Variants in NME8 observed in about 807,000 individuals in gnomAD.
NME8 encodes NME/NM23 family member 8, also known as protein NME8.
In NME8, 72 loss-of-function variants were observed where a neutral mutation model predicts 82.3. The ratio of observed to expected loss-of-function variants is 0.87; its 90% confidence interval spans 0.72 to 1.06. The LOEUF (loss-of-function observed/expected upper bound fraction) is 1.06, where lower values mean the gene tolerates loss of function less well. Ranked by LOEUF, NME8 falls within the 50% of genes least tolerant of loss-of-function variation. The pLI is 0.00. For synonymous variants in NME8, 267 were observed against 228.5 expected (o/e 1.17, Z -1.52); for missense variants, 712 against 685.4 (o/e 1.04, Z -0.43).
At chr7:37,876,058 AT>A (rs1225324293) in intron 11 of NME8, among the ~76,000 whole-genome samples, 1 of 151,616 alleles carries the variant, frequency 6.6e-6, no homozygotes. Flanking sequence ...TACAAAAAAA[AT>A]ATTAGCTGGG....
rs1172851073 is a variant in NME8 at position 37,853,875 on chromosome 7, A to G, written c.198+3140A>G. Among the ~76,000 whole-genome samples, 3 of 151,028 alleles carry G rather than the reference A, an allele frequency of 2.0e-5. No homozygotes were observed. The East Asian group carries it at 5.8e-4, about 29-fold the overall frequency. On this transcript the variant is annotated intron_variant, in intron 5 of 17. Coordinates refer to ENST00000199447, the MANE Select transcript of NME8 (RefSeq NM_016616.5). ...GGAACATTAAATATTTTATATATAT[A>G]GAGAGAGGCATATAAAAATTTAGTT...
intron 6 of NME8, among the ~76,000 whole-genome samples, chr7:37,857,666 A>T (rs1239296473): frequency 6.6e-6 from 1 of 152,204 alleles, no homozygotes; most frequent in African/African-American, 2.4e-5. Flanking sequence ...ATAGATACCT[A>T]GCAAGAGAGA....
At chr7:37,854,373 G>A (rs1241302200) in intron 5 of NME8, among the ~76,000 whole-genome samples, 2 of 152,092 alleles carry the variant, frequency 1.3e-5, no homozygotes, top group African/African-American at 2.4e-5. Flanking sequence ...TGGTATTGAC[G>A]TCTCAGGGGT....
chr7:37,867,731 G>T lies in NME8; in HGVS notation c.651G>T (p.Met217Ile). The T allele has an allele frequency of 6.2e-7, 1 of 1,613,424 alleles. No homozygotes were observed. Among genetic ancestry groups the T allele is most frequent in the South Asian group, 1.1e-5 (1 of 91,030 alleles). The stretch of plus-strand genomic sequence containing the variant: ...ACTTCGAAGAGTTTGTCTCTTTTAT[G>T]ACAAGTGGCTTAAGCTATATTCTAG... The part of the protein sequence containing the change: ...QCDFEEFVSF[M>I]TSGLSYILVV... Residue 217 changes from methionine to isoleucine, a missense_variant, in exon 11 of 18, where the codon ATG (methionine) becomes ATT (isoleucine). Met to Ile is a conservative substitution (Grantham distance 10, BLOSUM62 1). Coordinates refer to ENST00000199447, the MANE Select transcript of NME8 (RefSeq NM_016616.5).
chr7:37,894,140 C>T (rs1785178944), intron 15 of NME8, among the ~76,000 whole-genome samples: 1 of 152,100 alleles, frequency 6.6e-6, no homozygotes, highest in Middle Eastern at 3.2e-3. Context: ...CAAGAAATTC[C>T]TTGGCATTTG....
chr7:37,857,324 A>G lies in NME8; in HGVS notation c.249A>G (p.Glu83=), dbSNP rs777289980. 7 of 1,610,880 alleles carry G rather than the reference A, an allele frequency of 4.3e-6. No individual in the cohort carries two copies. The South Asian group carries it at 7.7e-5, about 18-fold the overall frequency. Residue 83 remains glutamate, a synonymous_variant, in exon 6 of 18, where the codon GAA becomes GAG. Coordinates refer to ENST00000199447, the MANE Select transcript of NME8 (RefSeq NM_016616.5). The stretch of plus-strand genomic sequence containing the variant: ...TGCAGCCATTTAGAGATAAATGTGA[A>G]CCTGTTTTTCTCTTTAGTGTTGTAA... ...VTLQPFRDKC[E]PVFLFSVNGK...
chr7:37,871,360 A>C (rs113814714), intron 11 of NME8, among the ~76,000 whole-genome samples: 2 of 152,298 alleles, frequency 1.3e-5, no homozygotes, highest in African/African-American at 4.8e-5. Flanking sequence ...AGCTTCTTTC[A>C]TGATGGCTTT....
intron 12 of NME8, among the ~76,000 whole-genome samples, chr7:37,880,882 T>A (rs545127634): frequency 2.6e-4 from 39 of 152,318 alleles, no homozygotes; most frequent in African/African-American, 9.4e-4. Context: ...ATGTATTTTC[T>A]TTTTTAGTGC....
intron 12 of NME8, among the ~76,000 whole-genome samples, chr7:37,878,135 A>G (rs1784885623): frequency 6.6e-6 from 1 of 152,186 alleles, no homozygotes; most frequent in African/African-American, 2.4e-5. Flanking sequence ...TAAGAAAATT[A>G]CCACCTCTTC....
At chr7:37,887,479 G>A (rs1413395319) in intron 14 of NME8, among the ~76,000 whole-genome samples, 1 of 152,140 alleles carries the variant, frequency 6.6e-6, no homozygotes, top group East Asian at 1.9e-4. Context: ...TATTTCAAAG[G>A]CATCATCTGA....
In NME8 at chr7:37,891,341, T is replaced by A. The variant is rs374032869; in HGVS notation, c.1399+2913T>A. Among the ~76,000 whole-genome samples, 119 of 151,978 alleles carry A rather than the reference T, an allele frequency of 7.8e-4. 1 individual carries two copies. The Middle Eastern group carries it at 0.01, about 13-fold the overall frequency. On this transcript the variant is annotated intron_variant, in intron 15 of 17. Transcript: ENST00000199447. ...GCTTTTGAGGTCTTACCAAAAAAAA[T>A]CACTGCCGAGACCAATGCTATGAAG...
rs774793704 is a variant in NME8, at chr7:37,894,576, G to T, written c.1510G>T (p.Asp504Tyr). The change falls in exon 16 of 18, where the codon GAC becomes TAC. Residue 504 changes from aspartate to tyrosine, a missense_variant. By Grantham distance (160) the Asp-to-Tyr change is radical (BLOSUM62 -3). Transcript: ENST00000199447. ...EKIYPKVTGK[D>Y]FYKDLLEMLS... ...AATTTATCCAAAAGTAACAGGAAAA[G>T]ACTTTTATAAAGATTTATTGGAAAT... is the stretch of plus-strand genomic sequence containing the variant. 3 of 1,599,318 alleles carry T rather than the reference G, an allele frequency of 1.9e-6. No individual in the cohort carries two copies. The highest frequency in any genetic ancestry group is 2.6e-6 in the Non-Finnish European group (3 of 1,167,140).
chr7:37,858,205 G>A (rs373510650), intron 6 of NME8, among the ~76,000 whole-genome samples: 4 of 152,252 alleles, frequency 2.6e-5, no homozygotes, highest in African/African-American at 9.6e-5. Flanking sequence ...AAGCCTTCAC[G>A]GAGGAGATAG....
At chr7:37,854,755 TG>T (rs1784486836) in intron 5 of NME8, among the ~76,000 whole-genome samples, 1 of 152,114 alleles carries the variant, frequency 6.6e-6, no homozygotes, top group Non-Finnish European at 1.5e-5. Context: ...TCTGGTGTGG[TG>T]TCTCTCAGCT....
rs2290224 is a variant in NME8 at position 37,865,818 on chromosome 7, G to A, written c.621+201G>A. Among the ~76,000 whole-genome samples, 116,940 of 151,982 alleles carry A rather than the reference G, an allele frequency of 0.77. 45,360 individuals carry two copies. Among genetic ancestry groups the A allele is most frequent in the African/African-American group, 0.88 (36,343 of 41,470 alleles). On this transcript the variant is annotated intron_variant, in intron 10 of 17. Coordinates refer to ENST00000199447, the MANE Select transcript of NME8 (RefSeq NM_016616.5). ...ATCTTCGGTAGAAATAGTGGCTACC[G>A]AGCAAAACTGGATGGTCTGATTGTG...
At chr7:37,853,767 G>A (rs1422798820) in intron 5 of NME8, among the ~76,000 whole-genome samples, 1 of 152,078 alleles carries the variant, frequency 6.6e-6, no homozygotes, top group Non-Finnish European at 1.5e-5. Flanking sequence ...AAATTAAAAT[G>A]TATGAGGTTA....
Position 37,850,426 on chromosome 7 carries a change from G to C in NME8, c.82G>C (p.Gly28Arg). The C allele has an allele frequency of 6.2e-7, 1 of 1,614,104 alleles. No homozygotes were observed. Among genetic ancestry groups the C allele is most frequent in the Non-Finnish European group, 8.5e-7 (1 of 1,180,008 alleles). ...SLWDEMLQNK[G>R]LTVIDVYQAW... ...GTGGGATGAGATGTTGCAGAACAAAGGCTTAACAGGTATAAGGACTCCCCG... is the reference window on the plus strand; with the variant it reads ...GTGGGATGAGATGTTGCAGAACAAACGCTTAACAGGTATAAGGACTCCCCG... Residue 28 changes from glycine to arginine, a missense_variant, in exon 4 of 18, where the codon GGC (glycine) becomes CGC (arginine). Coordinates refer to ENST00000199447, the MANE Select transcript of NME8 (RefSeq NM_016616.5).
chr7:37,882,751 G>A (rs1309144319), intron 12 of NME8, among the ~76,000 whole-genome samples: 1 of 152,156 alleles, frequency 6.6e-6, no homozygotes, highest in Admixed American at 6.5e-5. Flanking sequence ...CTATGCAATT[G>A]CTAGACACCT....
chr7:37,899,492 A>T (rs1785280607), intron 17 of NME8, among the ~76,000 whole-genome samples: 1 of 151,494 alleles, frequency 6.6e-6, no homozygotes, highest in Admixed American at 6.6e-5. Flanking sequence ...ACACATGGAC[A>T]CATGGGGGGA....
Sources: gnomAD v4.1 joint callset for allele counts (sites outside exome capture counted in the v4.1 genomes callset) on GRCh38, gnomAD v4.1.1 for gene constraint, MANE v1.5 for transcripts, NCBI Gene and HGNC (gene_info 2026-07-23, HGNC 2026-07-21) for gene names.